TP73: variants seen among roughly 807,000 people sequenced by gnomAD.
TP73 encodes tumor protein p73, also known as p53-like transcription factor.
In TP73, 25 loss-of-function variants were observed where a neutral mutation model predicts 62.5. The observed-to-expected ratio is 0.40, with a 90% CI of 0.29 to 0.56. TP73 has a LOEUF of 0.56. Among genes scored for constraint, TP73 ranks in the 20% least tolerant of loss-of-function variants. The pLI, the probability that TP73 is intolerant of heterozygous loss-of-function variation, is 0.46. For synonymous variants in TP73, 423 were observed against 377.5 expected (o/e 1.12, Z -1.40); for missense variants, 754 against 913.3 (o/e 0.83, Z 2.25).
At chr1:3,684,287 C>G (rs1645596371) in intron 3 of TP73, among the ~76,000 whole-genome samples, 2 of 152,248 alleles carry the variant, frequency 1.3e-5, no homozygotes, top group South Asian at 4.1e-4. Context: ...GAAAACCAGC[C>G]CGAACTGTGG....
At position 3,732,783 on chromosome 1, in the gene TP73, A is replaced by G. The variant is rs1434568920; in HGVS notation, c.1615A>G (p.Met539Val). The G allele has an allele frequency of 3.1e-6, 5 of 1,601,672 alleles. No individual in the cohort carries two copies. The highest frequency in any genetic ancestry group is 4.3e-6 in the Non-Finnish European group (5 of 1,172,216). ...GALKIPEQYR[M>V]TIWRGLQDLK... ...CCTGAAGATCCCCGAGCAGTACCGC[A>G]TGACCATCTGGCGGGGCCTGCAGGA... is the stretch of plus-strand genomic sequence containing the variant. Residue 539 changes from methionine (M) to valine (V), a missense_variant, in exon 14 of 14, where the codon ATG becomes GTG. Around this residue, in one of 3 missense-constraint regions of TP73, gnomAD observed 458 missense variants for 528.7 expected, o/e 0.87. Transcript: ENST00000378295.
chr1:3,677,894 G>A (rs914254241), intron 1 of TP73, among the ~76,000 whole-genome samples: 2 of 151,918 alleles, frequency 1.3e-5, no homozygotes, highest in Non-Finnish European at 2.9e-5. Context: ...TTGGAGAGCT[G>A]AGGTCTCCCT....
intron 1 of TP73, among the ~76,000 whole-genome samples, chr1:3,680,941 T>TAA: frequency 6.6e-6 from 1 of 152,226 alleles, no homozygotes; most frequent in Non-Finnish European, 1.5e-5. Context: ...CACCAGCACT[T>TAA]ACAGCCGTGT....
chr1:3,655,766 C>T (rs939514642), intron 1 of TP73, among the ~76,000 whole-genome samples: 6 of 152,152 alleles, frequency 3.9e-5, no homozygotes, highest in African/African-American at 7.2e-5. Flanking sequence ...AACATCCACT[C>T]GTGTATAATG....
chr1:3,729,281 T>C, intron 9 of TP73, 46 bp from the exon 10 acceptor site: 2 of 1,610,484 alleles, frequency 1.2e-6, no homozygotes, highest in Admixed American at 1.7e-5. Context: ...CCCCCTCCCG[T>C]GGGGGTCTGG....
intron 1 of TP73, among the ~76,000 whole-genome samples, chr1:3,676,399 C>A (rs115239205): frequency 0.02 from 2,186 of 111,854 alleles, 63 homozygotes; most frequent in African/African-American, 0.073. Flanking sequence ...AGGGAAGGAA[C>A]CTATGGGGGA....
intron 13 of TP73, 57 bp from the exon 14 acceptor site, chr1:3,732,690 C>G (rs1457191551): frequency 7.5e-6 from 11 of 1,476,294 alleles, no homozygotes; most frequent in East Asian, 2.3e-5. Flanking sequence ...CCAGGGCGAC[C>G]CCCCCTGCTC....
intron 3 of TP73, among the ~76,000 whole-genome samples, chr1:3,695,120 A>G (rs1184021720): frequency 6.6e-6 from 1 of 152,214 alleles, no homozygotes; most frequent in African/African-American, 2.4e-5. Flanking sequence ...GGGTTGATCA[A>G]TGCCCAACCC....
chr1:3,682,967 G>A, intron 2 of TP73, 93 bp from the exon 3 acceptor site: 2 of 1,497,310 alleles, frequency 1.3e-6, no homozygotes, highest in Non-Finnish European at 1.8e-6. Flanking sequence ...CTCACCAGGA[G>A]TCTCAGGCTA....
intron 3 of TP73, among the ~76,000 whole-genome samples, chr1:3,706,072 A>T (rs12086279): frequency 0.22 from 33,359 of 152,044 alleles, 4,245 homozygotes; most frequent in Middle Eastern, 0.29. Flanking sequence ...ACAGCACACC[A>T]CAGCTTCTCT....
At chr1:3,674,685 G>A (rs980422230) in intron 1 of TP73, among the ~76,000 whole-genome samples, 4 of 152,204 alleles carry the variant, frequency 2.6e-5, no homozygotes, top group South Asian at 2.1e-4. Flanking sequence ...CCCTCACTCC[G>A]GGGGACCCCT....
At chr1:3,682,109 G>C (rs540047776) in intron 1 of TP73, among the ~76,000 whole-genome samples, 1 of 152,236 alleles carries the variant, frequency 6.6e-6, no homozygotes, top group Non-Finnish European at 1.5e-5. Flanking sequence ...ATCCAGGCCC[G>C]CCACCTCCAA....
intron 11 of TP73, 149 bp downstream of exon 11, chr1:3,730,297 C>T (rs947021025): frequency 2.0e-5 from 20 of 1,011,872 alleles, no homozygotes; most frequent in African/African-American, 3.3e-5. Context: ...GGGCAGGAGG[C>T]GCAGCCACGG....
At chr1:3,661,120 C>G (rs373809553) in intron 1 of TP73, among the ~76,000 whole-genome samples, 13 of 151,394 alleles carry the variant, frequency 8.6e-5, no homozygotes, top group African/African-American at 2.9e-4. Context: ...TTTATTTTAT[C>G]TAAAACAATT....
At chr1:3,729,847 TG>T in intron 10 of TP73, 152 bp from the exon 11 acceptor site, 2 of 1,160,050 alleles carry the variant, frequency 1.7e-6, no homozygotes, top group East Asian at 2.6e-5. Context: ...TGCATGGCCA[TG>T]GTTGGGGACA....
At chr1:3,665,657 C>CTT (rs58949374) in intron 1 of TP73, among the ~76,000 whole-genome samples, 90 of 137,592 alleles carry the variant, frequency 6.5e-4, no homozygotes, top group Non-Finnish European at 1.1e-3. Flanking sequence ...TCTCTCTTTT[C>CTT]TTTTTTTTTT....
At chr1:3,664,447 A>T (rs1645067680) in intron 1 of TP73, among the ~76,000 whole-genome samples, 1 of 152,018 alleles carries the variant, frequency 6.6e-6, no homozygotes, top group Non-Finnish European at 1.5e-5. Context: ...CTCCTGCAGG[A>T]GAGGTGCAGT....
intron 4 of TP73, among the ~76,000 whole-genome samples, chr1:3,713,961 G>A (rs3765762): frequency 0.03 from 4,615 of 152,110 alleles, 154 homozygotes; most frequent in East Asian, 0.17. Flanking sequence ...TGGGGAAACC[G>A]CACAGGGGGA....
At chr1:3,700,026 A>C (rs1639024634) in intron 3 of TP73, among the ~76,000 whole-genome samples, 1 of 151,858 alleles carries the variant, frequency 6.6e-6, no homozygotes, top group African/African-American at 2.4e-5. Flanking sequence ...CTCAGCTCCC[A>C]AGGATGGGGT....
Sources: allele counts gnomAD v4.1 joint callset (sites outside exome capture counted in the v4.1 genomes callset), GRCh38; gene constraint gnomAD v4.1.1; regional missense constraint gnomAD v4.1.1; transcripts MANE v1.5; gene names NCBI Gene and HGNC (gene_info 2026-07-23, HGNC 2026-07-21).